The following KCNJ15 variants were observed in gnomAD, a reference collection of about 807,000 sequenced individuals.
The protein encoded by KCNJ15 is potassium inwardly rectifying channel subfamily J member 15, also known as ATP-sensitive inward rectifier potassium channel 15.
In KCNJ15, 14 loss-of-function variants were observed where a neutral mutation model predicts 23.0. That is an observed-to-expected ratio of 0.61 (90% CI 0.40 to 0.95). KCNJ15 has a LOEUF of 0.95. KCNJ15 is among the 40% of genes least tolerant of loss of function. KCNJ15 has a pLI of 0.00. For missense variants in KCNJ15, 388 were observed against 461.8 expected (o/e 0.84, Z 1.46); for synonymous variants, 185 against 183.2 (o/e 1.01, Z -0.08).
At chr21:38,242,935 T>C (rs965443017) in intron 1 of KCNJ15, among the ~76,000 whole-genome samples, 3 of 152,228 alleles carry the variant, frequency 2.0e-5, no homozygotes, top group African/African-American at 7.2e-5. Context: ...AATTAAAACC[T>C]GGTAAATGTT....
rs920959411 is a variant in KCNJ15, at chr21:38,307,238, T to C, written c.*6849T>C. 1 of 152,044 alleles carries C rather than the reference T, an allele frequency of 6.6e-6. No homozygotes were observed. Among genetic ancestry groups the C allele is most frequent in the African/African-American group, 2.4e-5 (1 of 41,418 alleles). 9.4% of individuals were successfully genotyped at this position (152,044 alleles called of 1,614,324 possible). A position where few individuals can be genotyped will look rare whatever the true frequency, so the allele number is the denominator to read the frequency against. On this transcript the variant is annotated 3_prime_UTR_variant, in exon 3 of 3. Coordinates refer to ENST00000398938, the MANE Select transcript of KCNJ15 (RefSeq NM_170736.3). ...GTATGCTATGAATTCATCCGTTTACTTGTCAAATCCTTTATTTCCATATGT... is the reference window on the plus strand; with the variant it reads ...GTATGCTATGAATTCATCCGTTTACCTGTCAAATCCTTTATTTCCATATGT...
chr21:38,243,307 A>T (rs1170109715), intron 1 of KCNJ15, among the ~76,000 whole-genome samples: 1 of 152,182 alleles, frequency 6.6e-6, no homozygotes, highest in African/African-American at 2.4e-5. Context: ...TGTTGGAAAT[A>T]ACCTGTTTTG....
intron 1 of KCNJ15, among the ~76,000 whole-genome samples, chr21:38,242,897 AAGGGTGCCGG>A (rs1241785287): frequency 1.3e-5 from 2 of 152,188 alleles, no homozygotes; most frequent in African/African-American, 4.8e-5. Flanking sequence ...TATCCTATGG[AAGGGTGCCGG>A]GCCCACTGTA....
At chr21:38,270,281 T>C (rs1431574864) in intron 1 of KCNJ15, among the ~76,000 whole-genome samples, 1 of 152,056 alleles carries the variant, frequency 6.6e-6, no homozygotes, top group African/African-American at 2.4e-5. Context: ...ATATCTCCAA[T>C]CAGATTACGA....
intron 1 of KCNJ15, among the ~76,000 whole-genome samples, chr21:38,247,033 A>C (rs1414652649): frequency 6.9e-6 from 1 of 145,158 alleles, no homozygotes; most frequent in East Asian, 2.1e-4. Context: ...TGGATGCATA[A>C]GTGGATGGAT....
rs1264111775 is a variant in KCNJ15, at chr21:38,299,981, C to A, written c.720C>A (p.Asp240Glu). ...AAGCCACTGTCAAATTCCACGTGGA[C>A]TCCTCCTCTGAGAGCCCCTTCCTCA... The part of the protein sequence containing the change: ...LNQATVKFHV[D>E]SSSESPFLIL... The change falls in exon 3 of 3, where the codon GAC (aspartate) becomes GAA (glutamate). Residue 240 changes from aspartate (D) to glutamate (E), a missense_variant. By Grantham distance (45) the Asp-to-Glu change is conservative. Transcript: ENST00000398938. This position sits in a 1 kb window ranked among gnomAD's most constrained non-coding sequence, Gnocchi z 4.5. 1 of 1,614,050 alleles carries A rather than the reference C, an allele frequency of 6.2e-7. No individual in the cohort carries two copies. Among genetic ancestry groups the A allele is most frequent in the Non-Finnish European group, 8.5e-7 (1 of 1,180,008 alleles).
chr21:38,285,274 G>C (rs1243567068), intron 1 of KCNJ15, among the ~76,000 whole-genome samples: 1 of 152,132 alleles, frequency 6.6e-6, no homozygotes, highest in Non-Finnish European at 1.5e-5. Context: ...GTATGCATAT[G>C]ACAATAACAG....
At chr21:38,238,091 C>T (rs1228650808) in intron 1 of KCNJ15, 4 of 329,714 alleles carry the variant, frequency 1.2e-5, no homozygotes, top group Non-Finnish European at 2.4e-5. Context: ...CCAAGGGAGG[C>T]AGTGAGTATG....
chr21:38,252,622 A>G (rs761130646), upstream of KCNJ15, among the ~76,000 whole-genome samples: 2 of 152,208 alleles, frequency 1.3e-5, no homozygotes, highest in Non-Finnish European at 2.9e-5. Context: ...AATCTCGTGC[A>G]TCTTAAATGG....
chr21:38,300,200 T>C lies in KCNJ15; in HGVS notation c.939T>C (p.Pro313=), dbSNP rs754754700. The C allele has an allele frequency of 6.2e-7, 1 of 1,614,184 alleles. No homozygotes were observed. ...TCTACTGGGGTTTTGAGTTTGTGCC[T>C]GTGGTATCTCTCTCCAAAAATGGAA... is the stretch of plus-strand genomic sequence containing the variant. ...EEIYWGFEFV[P]VVSLSKNGKY... The change falls in exon 3 of 3, where the codon CCT becomes CCC. Residue 313 remains proline (P), a synonymous_variant. Coordinates refer to ENST00000398938, the MANE Select transcript of KCNJ15 (RefSeq NM_170736.3).
In KCNJ15 at chr21:38,238,259, G is replaced by T. The variant is rs950661012; in HGVS notation, c.-398-18787G>T. On this transcript the variant is annotated intron_variant, in intron 1 of 4. Coordinates refer to the KCNJ15 transcript ENST00000547341. ...TGTAGCAGTTTTCGTAATTCACAGGGATCCATGATGAGCATTGAGCAGGCT... is the reference window on the plus strand; with the variant it reads ...TGTAGCAGTTTTCGTAATTCACAGGTATCCATGATGAGCATTGAGCAGGCT... 162 of 661,436 alleles carry T rather than the reference G, an allele frequency of 2.4e-4. 3 individuals carry two copies. Among genetic ancestry groups the T allele is most frequent in the South Asian group, 2.2e-3 (157 of 72,464 alleles). 41.0% of individuals were successfully genotyped at this position (661,436 alleles called of 1,614,324 possible).
intron 1 of KCNJ15, among the ~76,000 whole-genome samples, chr21:38,289,695 T>A (rs1434148323): frequency 6.6e-6 from 1 of 152,054 alleles, no homozygotes; most frequent in Admixed American, 6.5e-5. Context: ...ATTGTGCCAC[T>A]CCACTCCAGC....
intron 1 of KCNJ15, among the ~76,000 whole-genome samples, chr21:38,230,194 T>G (rs1270925457): frequency 6.6e-6 from 1 of 152,196 alleles, no homozygotes; most frequent in Non-Finnish European, 1.5e-5. Flanking sequence ...CACATGTTAT[T>G]ATCTGTCTTT....
chr21:38,247,399 CGGAT>C (rs1979495838), intron 1 of KCNJ15, among the ~76,000 whole-genome samples: 1 of 107,212 alleles, frequency 9.3e-6, no homozygotes, highest in Non-Finnish European at 2.0e-5. Flanking sequence ...TATGGATAAA[CGGAT>C]GGATAGATGG....
At position 38,288,030 on chromosome 21, in the gene KCNJ15, G is replaced by GTTTTTT. The variant is rs71184612; in HGVS notation, c.-116-8873_-116-8868dup. ...TGTTAAATAACTTGTTTTTTTCTTT[G>GTTTTTT]TTTTTTTTTTTTTTTTTTTTTTTTT... is the stretch of plus-strand genomic sequence containing the variant. On this transcript the variant is annotated intron_variant, in intron 1 of 2. Coordinates refer to ENST00000398938, the MANE Select transcript of KCNJ15 (RefSeq NM_170736.3). 9.9e-4 allele frequency among the ~76,000 whole-genome samples: 81 copies of GTTTTTT among 81,446 alleles called. 1 individual carries two copies. Among genetic ancestry groups the GTTTTTT allele is most frequent in the African/African-American group, 1.3e-3 (26 of 19,898 alleles). 53.4% of individuals were successfully genotyped at this position (81,446 alleles called of 152,430 possible).
intron 1 of KCNJ15, among the ~76,000 whole-genome samples, chr21:38,277,550 C>T (rs1982849028): frequency 6.6e-6 from 1 of 152,160 alleles, no homozygotes; most frequent in Non-Finnish European, 1.5e-5. Context: ...AAAGCTGTAT[C>T]TGAACTTCCA....
chr21:38,245,333 T>C (rs2051164), intron 1 of KCNJ15, among the ~76,000 whole-genome samples: 1,757 of 151,668 alleles, frequency 0.012, 31 homozygotes, highest in African/African-American at 0.041. Flanking sequence ...TCAGAATCTC[T>C]TGGACATTAA....
intron 1 of KCNJ15, among the ~76,000 whole-genome samples, chr21:38,288,026 C>CTTTTTTTTCTTTTTTTT (rs1171718120): frequency 2.6e-5 from 2 of 78,170 alleles, no homozygotes; most frequent in East Asian, 8.0e-4. Context: ...TTGTTTTTTT[C>CTTTTTTTTCTTTTTTTT]TTTGTTTTTT....
At chr21:38,238,224 C>T in intron 1 of KCNJ15, 2 of 549,966 alleles carry the variant, frequency 3.6e-6, no homozygotes, top group South Asian at 1.5e-5. Flanking sequence ...AGGGTTGGGG[C>T]AGTCACGGAT....
Sources: allele counts gnomAD v4.1 joint callset (sites outside exome capture counted in the v4.1 genomes callset), GRCh38; gene constraint gnomAD v4.1.1; non-coding constraint Gnocchi (gnomAD v3.1); transcripts MANE v1.5; gene names NCBI Gene and HGNC (gene_info 2026-07-23, HGNC 2026-07-21).